The following POU6F2 variants were observed in gnomAD, a reference collection of about 807,000 sequenced individuals.
POU6F2 encodes POU domain, class 6, transcription factor 2.
Under a neutral mutation model 71.3 loss-of-function variants are expected in POU6F2, and 31 were observed. The ratio of observed to expected loss-of-function variants is 0.43; its 90% confidence interval spans 0.33 to 0.59. The LOEUF is 0.59. POU6F2 is among the 20% of genes least tolerant of loss of function. The pLI is 0.04. For synonymous variants in POU6F2, 347 were observed against 355.7 expected (o/e 0.98, Z 0.27); for missense variants, 783 against 856.8 (o/e 0.91, Z 1.07).
At chr7:39,044,811 A>C (rs1261196745) in intron 1 of POU6F2, among the ~76,000 whole-genome samples, 1 of 151,902 alleles carries the variant, frequency 6.6e-6, no homozygotes, top group East Asian at 1.9e-4. Flanking sequence ...ATTTTTCCAT[A>C]TGATGTTTTA....
chr7:39,008,960 G>T (rs1297590005), intron 1 of POU6F2, among the ~76,000 whole-genome samples: 1 of 152,068 alleles, frequency 6.6e-6, no homozygotes, highest in African/African-American at 2.4e-5. Context: ...GTAGCATGAT[G>T]CCTCCAGCTT....
In POU6F2 at chr7:39,362,318, T is replaced by A. The variant is rs558625634; in HGVS notation, c.972+22303T>A. ...AAAAAGTGGGGAGGGGAAATGCAATTTTTTATTCTAGCACATATAAGGAGA... is the reference window on the plus strand; with the variant it reads ...AAAAAGTGGGGAGGGGAAATGCAATATTTTATTCTAGCACATATAAGGAGA... On this transcript the variant is annotated intron_variant, in intron 5 of 9. Transcript: ENST00000518318. Among the ~76,000 whole-genome samples the A allele has an allele frequency of 8.6e-5, 13 of 151,236 alleles. No individual in the cohort carries two copies. The East Asian group carries it at 2.5e-3, about 29-fold the overall frequency.
Position 38,992,841 on chromosome 7 carries a change from T to A in POU6F2, c.105+14783T>A, listed in dbSNP as rs192216492. 3.8e-3 allele frequency among the ~76,000 whole-genome samples: 573 copies of A among 152,328 alleles called. 1 individual carries two copies. Among genetic ancestry groups the A allele is most frequent in the South Asian group, 5.2e-3 (25 of 4,816 alleles). On this transcript the variant is annotated intron_variant, in intron 1 of 9. Coordinates refer to ENST00000518318, the MANE Select transcript of POU6F2 (RefSeq NM_001370959.1). ...ATGCAGTACAAGTGACTGTGAATAA[T>A]TTTCATTTTTCTACAGTCTGGGAAA...
chr7:39,358,874 A>T (rs75231748), intron 5 of POU6F2, among the ~76,000 whole-genome samples: 7 of 31,062 alleles, frequency 2.3e-4, no homozygotes, highest in African/African-American at 6.4e-4. Context: ...TTCTGTATTT[A>T]AAAAAAAAAA....
chr7:39,067,275 T>C (rs2128717291), intron 1 of POU6F2, among the ~76,000 whole-genome samples: 1 of 151,318 alleles, frequency 6.6e-6, no homozygotes, highest in East Asian at 1.9e-4. Context: ...TAATGCCATA[T>C]ACCCATTCAA....
chr7:39,320,096 T>C (rs1785352874), intron 4 of POU6F2, among the ~76,000 whole-genome samples: 1 of 152,182 alleles, frequency 6.6e-6, no homozygotes, highest in Non-Finnish European at 1.5e-5. Flanking sequence ...TCACTCAGAA[T>C]GAACCTCCAT....
In POU6F2 at chr7:39,054,324, C is replaced by T. The variant is rs571260334; in HGVS notation, c.106-31536C>T. Among the ~76,000 whole-genome samples, 53 of 152,034 alleles carry T rather than the reference C, an allele frequency of 3.5e-4. No individual in the cohort carries two copies. In the East Asian group the frequency reaches 8.9e-3, roughly 26 times the overall value. ...AAGGTTACAACATTTCTTATCAACC[C>T]TGACCCTCACAACAGTCATGGGCAG... On this transcript the variant is annotated intron_variant, in intron 1 of 9. Coordinates refer to ENST00000518318, the MANE Select transcript of POU6F2 (RefSeq NM_001370959.1).
At chr7:38,979,538 A>G (rs1788263784) in intron 1 of POU6F2, among the ~76,000 whole-genome samples, 1 of 152,224 alleles carries the variant, frequency 6.6e-6, no homozygotes, top group South Asian at 2.1e-4. Context: ...ATATAAAGTG[A>G]AGTCTCTAGG....
At chr7:39,272,213 C>G (rs1325730944) in intron 4 of POU6F2, among the ~76,000 whole-genome samples, 1 of 152,142 alleles carries the variant, frequency 6.6e-6, no homozygotes, top group Non-Finnish European at 1.5e-5. Context: ...AGAGATAAGT[C>G]ATAAATACCA....
intron 2 of POU6F2, among the ~76,000 whole-genome samples, chr7:39,186,722 CCT>C (rs1793547192): frequency 6.6e-6 from 1 of 152,158 alleles, no homozygotes; most frequent in Non-Finnish European, 1.5e-5. Flanking sequence ...GTCTCTGAGC[CCT>C]GAGTAGTGCC....
chr7:39,455,080 CA>C (rs1322244588), intron 8 of POU6F2, among the ~76,000 whole-genome samples: 7 of 152,118 alleles, frequency 4.6e-5, no homozygotes, highest in Admixed American at 2.0e-4. Flanking sequence ...CCATAATCAT[CA>C]GAGGTGGATA....
intron 5 of POU6F2, among the ~76,000 whole-genome samples, chr7:39,402,288 G>A (rs1402562894): frequency 6.6e-6 from 1 of 152,084 alleles, no homozygotes; most frequent in Non-Finnish European, 1.5e-5. Context: ...CAGACAGCAA[G>A]GAGATGCACA....
chr7:39,351,534 T>C (rs570156657), intron 5 of POU6F2, among the ~76,000 whole-genome samples: 2 of 152,344 alleles, frequency 1.3e-5, no homozygotes, highest in South Asian at 2.1e-4. Flanking sequence ...GAACAATTGC[T>C]ACTGATTGAG....
intron 1 of POU6F2, among the ~76,000 whole-genome samples, chr7:39,066,076 A>G (rs898251776): frequency 6.6e-6 from 1 of 151,766 alleles, no homozygotes; most frequent in African/African-American, 2.4e-5. Context: ...TTGACAGTTA[A>G]CTCAGAATAT....
At chr7:39,289,706 T>A (rs1784715401) in intron 4 of POU6F2, among the ~76,000 whole-genome samples, 1 of 152,242 alleles carries the variant, frequency 6.6e-6, no homozygotes, top group Admixed American at 6.5e-5. Context: ...AATCTGAATT[T>A]ATGGTTCAAA....
chr7:39,127,349 G>A (rs2128728744), intron 2 of POU6F2, among the ~76,000 whole-genome samples: 1 of 152,216 alleles, frequency 6.6e-6, no homozygotes, highest in African/African-American at 2.4e-5. Context: ...AGAGGATCTT[G>A]GTAGTATCTT....
At chr7:39,408,394 T>A (rs544507946) in intron 6 of POU6F2, among the ~76,000 whole-genome samples, 76 of 152,384 alleles carry the variant, frequency 5.0e-4, no homozygotes, top group African/African-American at 1.7e-3. Flanking sequence ...ATTCTTCTGA[T>A]GATTTAAGGG....
chr7:39,194,944 C>T (rs1793753951), intron 2 of POU6F2, among the ~76,000 whole-genome samples: 1 of 152,116 alleles, frequency 6.6e-6, no homozygotes, highest in African/African-American at 2.4e-5. Flanking sequence ...GAAGGAGAAA[C>T]TCCGGACACA....
At chr7:39,180,776 C>T (rs1793420701) in intron 2 of POU6F2, among the ~76,000 whole-genome samples, 1 of 152,116 alleles carries the variant, frequency 6.6e-6, no homozygotes, top group Non-Finnish European at 1.5e-5. Flanking sequence ...GCACTGGGCC[C>T]CATTACTGGC....
Sources: gnomAD v4.1 joint callset for allele counts (sites outside exome capture counted in the v4.1 genomes callset) on GRCh38, gnomAD v4.1.1 for gene constraint, MANE v1.5 for transcripts, NCBI Gene and HGNC (gene_info 2026-07-23, HGNC 2026-07-21) for gene names.